The following BARD1 variants were observed in gnomAD, a reference collection of about 807,000 sequenced individuals.
The protein encoded by BARD1 is BRCA1 associated RING domain 1.
Under a neutral mutation model 77.0 loss-of-function variants are expected in BARD1, and 73 were observed. The observed-to-expected ratio is 0.95, with a 90% confidence interval of 0.79 to 1.15. BARD1 has a LOEUF of 1.15. Among genes scored for constraint, BARD1 ranks in the 50% most tolerant of loss-of-function variants. The probability of loss-of-function intolerance (pLI) is 0.00; values close to 1 mark genes in which losing one functional copy is unlikely to be tolerated. For missense variants in BARD1, 993 were observed against 938.8 expected, an observed-to-expected ratio of 1.06 and a Z score of -0.75; for synonymous variants, 384 against 338.0, an observed-to-expected ratio of 1.14 and a Z score of -1.49.
intron 3 of BARD1, among the ~76,000 whole-genome samples, chr2:214,783,321 C>T (rs1217456777): frequency 3.3e-5 from 5 of 152,064 alleles, no homozygotes; most frequent in East Asian, 1.9e-4. Context: ...ACAGAGACCA[C>T]GGAAGAAAGT....
At position 214,745,095 on chromosome 2, in the gene BARD1, G is replaced by A. The variant is rs1396679779; in HGVS notation, c.1875C>T (p.Leu625=). Residue 625 remains leucine (L), a synonymous_variant, in exon 9 of 11, where the codon CTC becomes CTT. Transcript: ENST00000260947. ...CAAATTTTAGAATCCAGCATCCATT[G>A]AGAATCCCAAGCATACACTTCAAGG... The part of the protein sequence containing the change: ...QSTLKCMLGI[L]NGCWILKFEW... The A allele has an allele frequency of 6.2e-7, 1 of 1,613,920 alleles. No individual in the cohort carries two copies. Among genetic ancestry groups the A allele is most frequent in the Non-Finnish European group, 8.5e-7 (1 of 1,179,908 alleles).
chr2:214,781,631 C>T, intron 3 of BARD1, 122 bp from the exon 4 acceptor site: 5 of 744,954 alleles, frequency 6.7e-6, no homozygotes, highest in Non-Finnish European at 1.1e-5. Context: ...GTACTTCTTT[C>T]TCAGCTCCTA....
chr2:214,765,211 G>A (rs1211501332), intron 6 of BARD1, among the ~76,000 whole-genome samples: 1 of 152,162 alleles, frequency 6.6e-6, no homozygotes, highest in African/African-American at 2.4e-5. Context: ...AAGGTCTACT[G>A]GACAGTGCTG....
rs375401767 is a variant in BARD1, at chr2:214,726,325, T to C, written c.*2351A>G. On this transcript the variant is annotated 3_prime_UTR_variant, in exon 11 of 11. Coordinates refer to ENST00000260947, the MANE Select transcript of BARD1 (RefSeq NM_000465.4). ...AAAGGGAAACAGTTATAAATTCAAG[T>C]AGAACTAGAAAATAGCCATGAGAAT... 6 of 200,242 alleles carry C rather than the reference T, an allele frequency of 3.0e-5. No individual in the cohort carries two copies. The East Asian group carries it at 3.1e-4, about 10-fold the overall frequency. 12.4% of individuals were successfully genotyped at this position (200,242 alleles called of 1,614,324 possible). A position where few individuals can be genotyped will look rare whatever the true frequency, so the allele number is the denominator to read the frequency against.
chr2:214,794,666 C>G (rs903851355), intron 2 of BARD1, among the ~76,000 whole-genome samples: 7 of 152,248 alleles, frequency 4.6e-5, no homozygotes, highest in African/African-American at 1.7e-4. Flanking sequence ...CTGAAGAATG[C>G]TCAAAATGTT....
At chr2:214,775,823 C>T (rs1470072829) in intron 4 of BARD1, among the ~76,000 whole-genome samples, 1 of 152,172 alleles carries the variant, frequency 6.6e-6, no homozygotes, top group African/African-American at 2.4e-5. Flanking sequence ...ATACTGACTC[C>T]AGGAGGTGTT....
intron 1 of BARD1, among the ~76,000 whole-genome samples, chr2:214,806,546 T>C (rs1189531776): frequency 6.6e-6 from 1 of 152,084 alleles, no homozygotes; most frequent in Admixed American, 6.5e-5. Context: ...CAGAGACACC[T>C]ACAGAGGAAA....
chr2:214,746,471 T>A (rs1355826524), intron 7 of BARD1, among the ~76,000 whole-genome samples: 1 of 152,070 alleles, frequency 6.6e-6, no homozygotes, highest in African/African-American at 2.4e-5. Flanking sequence ...AGACTAATAG[T>A]TTCACTTTAA....
chr2:214,773,940 T>C (rs1242642692), intron 4 of BARD1, among the ~76,000 whole-genome samples: 2 of 152,226 alleles, frequency 1.3e-5, no homozygotes, highest in Non-Finnish European at 2.9e-5. Flanking sequence ...TTTTATCAAC[T>C]AAGATGATAT....
intron 3 of BARD1, among the ~76,000 whole-genome samples, chr2:214,782,418 G>A (rs1301198604): frequency 6.6e-6 from 1 of 151,956 alleles, no homozygotes; most frequent in Non-Finnish European, 1.5e-5. Flanking sequence ...TGTTCTGGGT[G>A]AGTTCAGTTT....
intron 4 of BARD1, among the ~76,000 whole-genome samples, chr2:214,772,119 C>T (rs1162916948): frequency 1.4e-5 from 2 of 147,918 alleles, no homozygotes; most frequent in African/African-American, 5.0e-5. Flanking sequence ...GCATACATCA[C>T]CATGCCCAGC....
At chr2:214,773,897 G>A (rs565717385) in intron 4 of BARD1, among the ~76,000 whole-genome samples, 1 of 152,254 alleles carries the variant, frequency 6.6e-6, no homozygotes, top group Non-Finnish European at 1.5e-5. Flanking sequence ...CTTCTCCCAA[G>A]ATTGGAGCCA....
intron 4 of BARD1, among the ~76,000 whole-genome samples, chr2:214,771,927 A>G (rs1412121712): frequency 1.4e-5 from 2 of 142,730 alleles, no homozygotes; most frequent in African/African-American, 2.6e-5. Context: ...GTTTCAGGAA[A>G]AAAAAAAAAA....
chr2:214,769,990 A>C (rs1694403422), intron 4 of BARD1, among the ~76,000 whole-genome samples: 1 of 152,216 alleles, frequency 6.6e-6, no homozygotes, highest in South Asian at 2.1e-4. Flanking sequence ...GTTTAAAACA[A>C]CCAAAACTGT....
intron 5 of BARD1, among the ~76,000 whole-genome samples, chr2:214,768,550 G>A (rs149746726): frequency 2.2e-3 from 315 of 146,044 alleles, no homozygotes; most frequent in Middle Eastern, 0.011. Context: ...CTAGCCTACT[G>A]AGAGTCTCCT....
At chr2:214,790,259 C>T (rs115218609) in intron 3 of BARD1, among the ~76,000 whole-genome samples, 2 of 151,988 alleles carry the variant, frequency 1.3e-5, no homozygotes, top group South Asian at 2.1e-4. Flanking sequence ...AAATTGTGTT[C>T]CTCCCCCACC....
intron 9 of BARD1, among the ~76,000 whole-genome samples, chr2:214,734,619 A>G (rs1014913780): frequency 6.6e-6 from 1 of 152,108 alleles, no homozygotes; most frequent in Non-Finnish European, 1.5e-5. Flanking sequence ...GAAAACTTTA[A>G]TTTTTCCACA....
At chr2:214,801,716 C>T (rs1313302041) in intron 1 of BARD1, among the ~76,000 whole-genome samples, 1 of 151,982 alleles carries the variant, frequency 6.6e-6, no homozygotes, top group East Asian at 1.9e-4. Context: ...TTCTAAGGGT[C>T]TTATAATCTG....
At chr2:214,799,914 G>C (rs1302982268) in intron 1 of BARD1, among the ~76,000 whole-genome samples, 1 of 152,178 alleles carries the variant, frequency 6.6e-6, no homozygotes, top group Non-Finnish European at 1.5e-5. Flanking sequence ...CTGGGAAACA[G>C]CACTGACCTC....
Sources: gnomAD v4.1 joint callset for allele counts (sites outside exome capture counted in the v4.1 genomes callset) on GRCh38, gnomAD v4.1.1 for gene constraint, MANE v1.5 for transcripts, NCBI Gene and HGNC (gene_info 2026-07-23, HGNC 2026-07-21) for gene names.